The following ABL1 variants were observed in gnomAD, a reference collection of about 807,000 sequenced individuals.
ABL1 encodes the protein tyrosine-protein kinase ABL1.
In ABL1, 11 loss-of-function variants were observed where a neutral mutation model predicts 94.7. That is an observed-to-expected ratio of 0.12 (90% confidence interval 0.07 to 0.19). The LOEUF is 0.19. Ranked by LOEUF, ABL1 falls within the 10% of genes least tolerant of loss-of-function variation. The probability of loss-of-function intolerance (pLI) is 1.00; values close to 1 mark genes in which losing one functional copy is unlikely to be tolerated. For synonymous variants in ABL1, 656 were observed against 622.4 expected (o/e 1.05, Z -0.80); for missense variants, 1,082 against 1,489.4 (o/e 0.73, Z 4.50).
chr9:130,747,359 G>A (rs1048216941), intron 1 of ABL1, among the ~76,000 whole-genome samples: 12 of 151,844 alleles, frequency 7.9e-5, no homozygotes, highest in Admixed American at 7.2e-4. Context: ...TCCTGAGCAA[G>A]AGTAAGACCC....
intron 1 of ABL1, among the ~76,000 whole-genome samples, chr9:130,754,845 G>C (rs558725010): frequency 6.6e-6 from 1 of 152,284 alleles, no homozygotes; most frequent in East Asian, 1.9e-4. Context: ...TGCTCTCAGG[G>C]AGATTATTGT....
chr9:130,751,031 C>T (rs1317876209), intron 1 of ABL1, among the ~76,000 whole-genome samples: 1 of 150,522 alleles, frequency 6.6e-6, no homozygotes, highest in Non-Finnish European at 1.5e-5. Flanking sequence ...AAATTTTAAC[C>T]TTTGCTAAAA....
chr9:130,741,768 T>TG (rs1831822612), intron 1 of ABL1, among the ~76,000 whole-genome samples: 1 of 152,234 alleles, frequency 6.6e-6, no homozygotes, highest in East Asian at 1.9e-4. Context: ...CCAAGACCTT[T>TG]GGGTTGTACA....
chr9:130,737,545 AGG>A (rs1831759613), intron 1 of ABL1, among the ~76,000 whole-genome samples: 2 of 152,194 alleles, frequency 1.3e-5, no homozygotes. Flanking sequence ...CTAGGATTAC[AGG>A]TGTGAGCCAC....
intron 1 of ABL1, among the ~76,000 whole-genome samples, chr9:130,807,429 G>A (rs1830140404): frequency 1.3e-5 from 2 of 151,596 alleles, no homozygotes; most frequent in Non-Finnish European, 2.9e-5. Context: ...TAGTAGAGAC[G>A]GGATTTCACC....
chr9:130,803,463 A>G (rs747242101), intron 1 of ABL1, among the ~76,000 whole-genome samples: 9 of 152,230 alleles, frequency 5.9e-5, no homozygotes, highest in Non-Finnish European at 1.3e-4. Context: ...ATATCCTAAG[A>G]CACAAAATTG....
At chr9:130,744,105 A>G (rs568352561) in intron 1 of ABL1, among the ~76,000 whole-genome samples, 4 of 151,694 alleles carry the variant, frequency 2.6e-5, no homozygotes, top group Non-Finnish European at 5.9e-5. Flanking sequence ...TTTGCTACCC[A>G]GCTTTTACAT....
chr9:130,823,625 AGTG>A (rs1483415382), intron 1 of ABL1, among the ~76,000 whole-genome samples: 2 of 152,318 alleles, frequency 1.3e-5, no homozygotes, highest in East Asian at 3.9e-4. Flanking sequence ...CCTCACAGGC[AGTG>A]GACACCAGAA....
At chr9:130,746,993 A>G (rs1831896152) in intron 1 of ABL1, among the ~76,000 whole-genome samples, 1 of 152,032 alleles carries the variant, frequency 6.6e-6, no homozygotes, top group South Asian at 2.1e-4. Context: ...TCTGGAGGCC[A>G]CCTGCATTGC....
chr9:130,781,266 AT>A (rs1829751733), intron 1 of ABL1, among the ~76,000 whole-genome samples: 1 of 152,092 alleles, frequency 6.6e-6, no homozygotes, highest in South Asian at 2.1e-4. Context: ...TGCTTTTCCC[AT>A]TTAGCCTTTT....
intron 1 of ABL1, 128 bp from the exon 2 acceptor site, chr9:130,853,936 G>GT (rs1374704464): frequency 3.4e-5 from 33 of 957,538 alleles, no homozygotes; most frequent in Non-Finnish European, 3.2e-5. Context: ...ATGTACAGAT[G>GT]TTAAGAAATG....
chr9:130,828,186 C>G (rs535907842), intron 1 of ABL1, among the ~76,000 whole-genome samples: 1 of 152,148 alleles, frequency 6.6e-6, no homozygotes, highest in Non-Finnish European at 1.5e-5. Context: ...CCTCAGCCCC[C>G]CAAGCAACTG....
chr9:130,867,786 G>A (rs559305671), intron 4 of ABL1, among the ~76,000 whole-genome samples: 2 of 152,182 alleles, frequency 1.3e-5, no homozygotes, highest in Non-Finnish European at 2.9e-5. Flanking sequence ...TGCAAGACAG[G>A]CATTCCTTGC....
chr9:130,760,943 C>CT (rs35842480), intron 1 of ABL1, among the ~76,000 whole-genome samples: 2,287 of 85,270 alleles, frequency 0.027, 259 homozygotes, highest in African/African-American at 0.092. Context: ...CCCGCCCCTG[C>CT]TTTTTTTTTT....
At chr9:130,731,055 G>A (rs1480968029) in intron 1 of ABL1, among the ~76,000 whole-genome samples, 1 of 125,566 alleles carries the variant, frequency 8.0e-6, no homozygotes, top group Non-Finnish European at 1.6e-5. Flanking sequence ...CACTCAGGCT[G>A]GATTACAGTG....
intron 1 of ABL1, among the ~76,000 whole-genome samples, chr9:130,743,705 A>G (rs1030549070): frequency 3.9e-5 from 6 of 152,192 alleles, no homozygotes; most frequent in East Asian, 3.8e-4. Flanking sequence ...TCCTAGGGCT[A>G]TTATGTTACC....
intron 10 of ABL1, among the ~76,000 whole-genome samples, chr9:130,883,512 C>G (rs1831503232): frequency 6.6e-6 from 1 of 150,590 alleles, no homozygotes; most frequent in African/African-American, 2.4e-5. Flanking sequence ...AAAAAAAAAC[C>G]ACACACACGC....
rs187302231 is a variant in ABL1, at chr9:130,759,573, A to G, written c.136+45118A>G. On this transcript the variant is annotated intron_variant, in intron 1 of 10. Transcript: ENST00000372348. ...AAAAAATGTAAAGTGAGAAATGCCC[A>G]TTAAAATAATGTATAACATAACCAC... Among the ~76,000 whole-genome samples the G allele has an allele frequency of 3.3e-5, 5 of 152,378 alleles. No homozygotes were observed. In the East Asian group the frequency reaches 9.6e-4, roughly 29 times the overall value.
At chr9:130,802,764 T>G (rs1830073442) in intron 1 of ABL1, among the ~76,000 whole-genome samples, 1 of 152,224 alleles carries the variant, frequency 6.6e-6, no homozygotes, top group Non-Finnish European at 1.5e-5. Context: ...TGGTGGGTAG[T>G]TCTGGATTGT....
Sources: gnomAD v4.1 joint callset for allele counts (sites outside exome capture counted in the v4.1 genomes callset) on GRCh38, gnomAD v4.1.1 for gene constraint, MANE v1.5 for transcripts, NCBI Gene and HGNC (gene_info 2026-07-23, HGNC 2026-07-21) for gene names.